ARRB1: variants seen among roughly 807,000 people sequenced by gnomAD.
ARRB1 encodes the protein arrestin beta 1.
ARRB1 carries 21 observed loss-of-function variants against 56.8 expected under a neutral mutation model. The ratio of observed to expected loss-of-function variants is 0.37; its 90% confidence interval spans 0.26 to 0.53. The LOEUF is 0.53. Ranked by LOEUF, ARRB1 falls within the 20% of genes least tolerant of loss-of-function variation. ARRB1 has a pLI of 0.88. For missense variants in ARRB1, 424 were observed against 553.7 expected (o/e 0.77, Z 2.35); for synonymous variants, 210 against 218.6 (o/e 0.96, Z 0.35).
intron 1 of ARRB1, among the ~76,000 whole-genome samples, chr11:75,342,450 C>T (rs1947705107): frequency 6.6e-6 from 1 of 152,232 alleles, no homozygotes; most frequent in Non-Finnish European, 1.5e-5. Flanking sequence ...GTTCTGAGTA[C>T]TTGCCCAGTG....
At chr11:75,346,432 C>A (rs1425756044) in intron 1 of ARRB1, among the ~76,000 whole-genome samples, 1 of 152,132 alleles carries the variant, frequency 6.6e-6, no homozygotes, top group Non-Finnish European at 1.5e-5. Flanking sequence ...GGTTCCCATA[C>A]CCAGTCTTCA....
intron 10 of ARRB1, among the ~76,000 whole-genome samples, chr11:75,275,378 C>T (rs1399583936): frequency 6.6e-6 from 1 of 151,922 alleles, no homozygotes; most frequent in African/African-American, 2.4e-5. Flanking sequence ...AACTCCTGAC[C>T]TCAAGTGATC....
At chr11:75,314,421 G>A (rs1947226670) in intron 1 of ARRB1, among the ~76,000 whole-genome samples, 1 of 152,226 alleles carries the variant, frequency 6.6e-6, no homozygotes, top group Admixed American at 6.5e-5. Context: ...GAGCAGAGGG[G>A]GTTTGTGGAA....
At chr11:75,277,244 TG>T in intron 9 of ARRB1, 119 bp downstream of exon 9, 1 of 1,069,858 alleles carries the variant, frequency 9.3e-7, no homozygotes, top group Non-Finnish European at 1.4e-6. Flanking sequence ...GAGCAGGCCC[TG>T]GGCTTCAGTG....
At chr11:75,336,970 T>C (rs935226714) in intron 1 of ARRB1, among the ~76,000 whole-genome samples, 4 of 152,260 alleles carry the variant, frequency 2.6e-5, no homozygotes, top group Admixed American at 2.0e-4. Context: ...GTTTCCAGCA[T>C]GAACATTATG....
At chr11:75,267,725 AG>A in intron 14 of ARRB1, 22 bp from the exon 15 acceptor site, 1 of 718,164 alleles carries the variant, frequency 1.4e-6, no homozygotes, top group Non-Finnish European at 2.5e-6. Flanking sequence ...GTGGGTGGGC[AG>A]GGTGTCCAGG....
intron 10 of ARRB1, 53 bp downstream of exon 10, chr11:75,276,784 TTC>T: frequency 6.3e-7 from 1 of 1,582,878 alleles, no homozygotes; most frequent in South Asian, 1.1e-5. Flanking sequence ...CACCTAGAGC[TTC>T]TCTTTTTCCC....
At chr11:75,272,840 A>ACCT in intron 12 of ARRB1, 55 bp downstream of exon 12, 14 of 1,577,950 alleles carry the variant, frequency 8.9e-6, no homozygotes, top group Non-Finnish European at 1.2e-5. Context: ...GCCTGTGGGC[A>ACCT]CCTGGGACGC....
Position 75,261,788 on chromosome 11 carries a change from C to T in ARRB1, c.*4375G>A. The stretch of plus-strand genomic sequence containing the variant: ...TGGAGCTGCCTGGGCCAGGAGGAAA[C>T]ACCAAGCCCAGTGCAGGCCGTATAG... On this transcript the variant is annotated 3_prime_UTR_variant, in exon 16 of 16. Transcript: ENST00000420843. The T allele has an allele frequency of 6.6e-6, 1 of 152,242 alleles. No individual in the cohort carries two copies. The highest frequency in any genetic ancestry group is 1.9e-4 in the East Asian group (1 of 5,198). The allele number at this position is 152,242 out of a possible 1,614,324, so 9.4% of individuals were successfully genotyped here. A position where few individuals can be genotyped will look rare whatever the true frequency, so the allele number is the denominator to read the frequency against.
At chr11:75,281,047 G>A (rs1373207599) in intron 7 of ARRB1, 28 bp downstream of exon 7, 5 of 1,588,030 alleles carry the variant, frequency 3.1e-6, no homozygotes, top group Admixed American at 1.8e-5. Flanking sequence ...CACCCAGCAG[G>A]CGGCCCACAC....
chr11:75,341,968 G>A (rs932525243), intron 1 of ARRB1, among the ~76,000 whole-genome samples: 4 of 152,162 alleles, frequency 2.6e-5, no homozygotes, highest in African/African-American at 9.7e-5. Flanking sequence ...TGCTGCTCAC[G>A]CCCTCTCCCC....
Position 75,263,956 on chromosome 11 carries a change from C to T in ARRB1, c.*2207G>A, listed in dbSNP as rs1032631876. On this transcript the variant is annotated 3_prime_UTR_variant, in exon 16 of 16. Coordinates refer to ENST00000420843, the MANE Select transcript of ARRB1 (RefSeq NM_004041.5). ...CAAACACTAAAGGATCTTGTGTCAG[C>T]CCCAAAGGTTTCAGAAGACACTGGA... is the stretch of plus-strand genomic sequence containing the variant. Among the ~76,000 whole-genome samples the T allele has an allele frequency of 4.6e-5, 7 of 152,166 alleles. No individual in the cohort carries two copies. Among genetic ancestry groups the T allele is most frequent in the Non-Finnish European group, 8.8e-5 (6 of 68,034 alleles).
Position 75,283,209 on chromosome 11 carries a change from G to A in ARRB1, c.354+78C>T, listed in dbSNP as rs537853733. ...TGGCAGGGAGCAGCTGACCCTCACC[G>A]CCCTCTTATGCCCACCCCAGAGGGC... On this transcript the variant is annotated intron_variant, in intron 5 of 15. Coordinates refer to ENST00000420843, the MANE Select transcript of ARRB1 (RefSeq NM_004041.5). The A allele has an allele frequency of 6.6e-4, 955 of 1,445,934 alleles. 17 individuals are homozygous for A. In the South Asian group the frequency reaches 0.012, roughly 18 times the overall value. The allele number at this position is 1,445,934 out of a possible 1,614,324, so 89.6% of individuals were successfully genotyped here.
intron 1 of ARRB1, among the ~76,000 whole-genome samples, chr11:75,301,609 G>C (rs1311263098): frequency 6.6e-6 from 1 of 152,160 alleles, no homozygotes; most frequent in Non-Finnish European, 1.5e-5. Context: ...TGGGTAGGGT[G>C]GGGAGACGCA....
intron 3 of ARRB1, among the ~76,000 whole-genome samples, chr11:75,286,324 C>T (rs552068500): frequency 2.6e-4 from 32 of 122,186 alleles, no homozygotes; most frequent in African/African-American, 8.5e-4. Flanking sequence ...GGCTGGAGTG[C>T]GGTGGCATGA....
intron 1 of ARRB1, among the ~76,000 whole-genome samples, chr11:75,327,129 T>C (rs979324733): frequency 6.6e-6 from 1 of 151,742 alleles, no homozygotes; most frequent in African/African-American, 2.4e-5. Context: ...GGTGAAACCC[T>C]GTCTCTACTA....
intron 1 of ARRB1, among the ~76,000 whole-genome samples, chr11:75,304,323 A>T (rs7938192): frequency 0.22 from 33,972 of 151,988 alleles, 4,187 homozygotes; most frequent in African/African-American, 0.31. Flanking sequence ...CTCTGTGTCC[A>T]CTGCTCTGTG....
At chr11:75,287,579 C>T (rs1165702747) in intron 2 of ARRB1, among the ~76,000 whole-genome samples, 1 of 152,250 alleles carries the variant, frequency 6.6e-6, no homozygotes, top group Admixed American at 6.5e-5. Flanking sequence ...GCACCACTTC[C>T]TCCCAAAACC....
intron 13 of ARRB1, chr11:75,271,341 G>C: frequency 5.2e-6 from 1 of 192,164 alleles, no homozygotes. Context: ...AGCAACACTT[G>C]GCCAGCAGTT....
Sources: gnomAD v4.1 joint callset for allele counts (sites outside exome capture counted in the v4.1 genomes callset) on GRCh38, gnomAD v4.1.1 for gene constraint, MANE v1.5 for transcripts, NCBI Gene and HGNC (gene_info 2026-07-23, HGNC 2026-07-21) for gene names.